Variants in CFAP47 observed in about 807,000 individuals in gnomAD.
The protein encoded by CFAP47 is cilia- and flagella-associated protein 47.
A neutral mutation model predicts 148.1 loss-of-function variants in CFAP47; 29 were observed. The ratio of observed to expected loss-of-function variants is 0.20; its 90% confidence interval spans 0.15 to 0.27. The LOEUF (loss-of-function observed/expected upper bound fraction) is 0.27. CFAP47 is among the 10% of genes least tolerant of loss of function. The probability of loss-of-function intolerance (pLI) is 1.00; values close to 1 mark genes in which losing one functional copy is unlikely to be tolerated. For missense variants in CFAP47, 1,872 were observed against 1,697.5 expected (o/e 1.10, Z -1.81); for synonymous variants, 664 against 577.3 (o/e 1.15, Z -2.15).
intron 25 of CFAP47, among the ~76,000 whole-genome samples, chrX:36,045,271 G>T (rs1459967404): frequency 9.0e-6 from 1 of 111,683 alleles, no homozygotes; most frequent in Non-Finnish European, 1.9e-5. Context: ...GAGGGTTTTT[G>T]TCCTGAAGGG....
intron 22 of CFAP47, among the ~76,000 whole-genome samples, chrX:36,017,932 T>C (rs924501289): frequency 1.8e-5 from 2 of 111,475 alleles, no homozygotes; most frequent in Admixed American, 9.6e-5. Flanking sequence ...AGGGATTAGA[T>C]TGACTCTGTA....
intron 8 of CFAP47, among the ~76,000 whole-genome samples, chrX:35,965,809 T>C (rs1936393423): frequency 1.8e-5 from 2 of 111,167 alleles, no homozygotes; most frequent in Admixed American, 1.9e-4. Context: ...CTCTTTTGGC[T>C]ACTAGGCTAA....
chrX:36,297,942 G>C (rs1276756524), intron 51 of CFAP47, among the ~76,000 whole-genome samples: 1 of 110,572 alleles, frequency 9.0e-6, no homozygotes, highest in Non-Finnish European at 1.9e-5. Context: ...ATAAAAATCT[G>C]TCTTTTACAC....
At chrX:36,341,451 A>G (rs1556015754) in intron 57 of CFAP47, among the ~76,000 whole-genome samples, 1 of 111,632 alleles carries the variant, frequency 9.0e-6, no homozygotes, top group Non-Finnish European at 1.9e-5. Context: ...GAAATGTAAT[A>G]CAACTAAAGT....
intron 45 of CFAP47, among the ~76,000 whole-genome samples, chrX:36,208,519 T>A (rs1393006060): frequency 1.8e-5 from 2 of 111,266 alleles, no homozygotes; most frequent in Non-Finnish European, 3.8e-5. Context: ...AAAATCTGCA[T>A]GTAAGTGCAC....
intron 2 of CFAP47, among the ~76,000 whole-genome samples, chrX:35,929,212 A>G (rs898253399): frequency 9.0e-6 from 1 of 111,731 alleles, no homozygotes; most frequent in African/African-American, 3.2e-5. Context: ...GCTTTTGAGA[A>G]TAATTGAGCT....
intron 59 of CFAP47, among the ~76,000 whole-genome samples, chrX:36,352,851 A>G (rs1941753862): frequency 9.1e-6 from 1 of 109,603 alleles, no homozygotes; most frequent in African/African-American, 3.3e-5. Flanking sequence ...TTATATATAT[A>G]TATTTAATTC....
chrX:36,052,727 T>G (rs1337625975), intron 26 of CFAP47, among the ~76,000 whole-genome samples: 1 of 112,371 alleles, frequency 8.9e-6, no homozygotes, highest in Non-Finnish European at 1.9e-5. Flanking sequence ...TTACTCTCAT[T>G]GACAATCACT....
At chrX:36,371,545 A>G (rs1303957097) in intron 62 of CFAP47, among the ~76,000 whole-genome samples, 2 of 103,389 alleles carry the variant, frequency 1.9e-5, no homozygotes, top group Non-Finnish European at 4.0e-5. Flanking sequence ...GTGTATACAT[A>G]TGTGTATATA....
At position 35,981,797 on chromosome X, in the gene CFAP47, A is replaced by G. The variant is rs1936648663; in HGVS notation, c.2713+5884A>G. On this transcript the variant is annotated intron_variant, in intron 15 of 63. Coordinates refer to ENST00000378653, the MANE Select transcript of CFAP47 (RefSeq NM_001304548.2). The stretch of plus-strand genomic sequence containing the variant: ...AGTATTGATTTTCTGTTTCTGCATC[A>G]GTTTGCTTAGGATAATGGCTTCCAG... 2.7e-5 allele frequency among the ~76,000 whole-genome samples: 3 copies of G among 111,821 alleles called. No homozygotes were observed. In the South Asian group the frequency reaches 1.1e-3, roughly 42 times the overall value.
intron 38 of CFAP47, 50 bp from the exon 39 acceptor site, chrX:36,160,631 G>T (rs944947580): frequency 7.0e-6 from 2 of 285,493 alleles, no homozygotes; most frequent in African/African-American, 2.8e-5. Flanking sequence ...AATTCAGAAA[G>T]TTCATTTTTT....
intron 32 of CFAP47, among the ~76,000 whole-genome samples, chrX:36,101,922 G>A (rs1938383383): frequency 9.0e-6 from 1 of 111,544 alleles, no homozygotes; most frequent in South Asian, 3.7e-4. Flanking sequence ...TAATAGCAAA[G>A]TTCATGTGAA....
chrX:36,379,172 G>T (rs1300462228), intron 62 of CFAP47, among the ~76,000 whole-genome samples, 178 bp from the exon 63 acceptor site: 2 of 112,205 alleles, frequency 1.8e-5, no homozygotes, highest in East Asian at 5.6e-4. Flanking sequence ...GTCACCCTGA[G>T]AAGAATGACT....
intron 21 of CFAP47, among the ~76,000 whole-genome samples, chrX:36,002,521 G>T (rs1202695018): frequency 9.0e-6 from 1 of 110,770 alleles, no homozygotes. Flanking sequence ...GGCAGAGGTT[G>T]CAATGAGCCA....
At position 36,310,871 on chromosome X, in the gene CFAP47, A is replaced by C; in HGVS notation, c.8226A>C (p.Leu2742=). ...EWKFYLSGVG[L]FPQPLDTERI... The stretch of plus-strand genomic sequence containing the variant: ...AATTCTACTTATCTGGAGTAGGACT[A>C]TTTCCCCAGCCTCTAGACACGGAAA... Residue 2742 remains leucine, a synonymous_variant, in exon 56 of 64, where the codon CTA becomes CTC. Coordinates refer to ENST00000378653, the MANE Select transcript of CFAP47 (RefSeq NM_001304548.2). 1.7e-6 allele frequency: 2 copies of C among 1,151,199 alleles called. No homozygotes were observed. The highest frequency in any genetic ancestry group is 2.3e-6 in the Non-Finnish European group (2 of 860,883). The allele number at this position is 1,151,199 out of a possible 1,213,427, so 94.9% of individuals were successfully genotyped here.
intron 7 of CFAP47, among the ~76,000 whole-genome samples, chrX:35,955,061 A>C (rs985075507): frequency 8.9e-6 from 1 of 112,001 alleles, no homozygotes; most frequent in African/African-American, 3.2e-5. Flanking sequence ...ATCTGAGATG[A>C]ATATCACACA....
At chrX:36,090,714 G>A (rs977400159) in intron 30 of CFAP47, among the ~76,000 whole-genome samples, 1 of 111,349 alleles carries the variant, frequency 9.0e-6, no homozygotes, top group Non-Finnish European at 1.9e-5. Context: ...TTTCATCATG[G>A]AAATATATGT....
chrX:36,290,090 C>A (rs893586213), intron 51 of CFAP47, among the ~76,000 whole-genome samples: 1 of 110,266 alleles, frequency 9.1e-6, no homozygotes, highest in Admixed American at 9.8e-5. Flanking sequence ...GCCCCCGCAC[C>A]TTAGTTCTTT....
chrX:36,188,150 G>A (rs1392312895), intron 40 of CFAP47, among the ~76,000 whole-genome samples: 7 of 111,385 alleles, frequency 6.3e-5, no homozygotes, highest in East Asian at 2.8e-4. Flanking sequence ...ATCAAATTCC[G>A]AAGTCTTCTT....
Sources: gnomAD v4.1 joint callset for allele counts (sites outside exome capture counted in the v4.1 genomes callset) on GRCh38, gnomAD v4.1.1 for gene constraint, MANE v1.5 for transcripts, NCBI Gene and HGNC (gene_info 2026-07-23, HGNC 2026-07-21) for gene names.